Variants in CDH9 observed in about 807,000 individuals in gnomAD.
The protein encoded by CDH9 is cadherin-9.
A neutral mutation model predicts 70.9 loss-of-function variants in CDH9; 28 were observed. The observed-to-expected ratio is 0.40, with a 90% CI of 0.29 to 0.54. The LOEUF is 0.54. Ranked by LOEUF, CDH9 falls within the 20% of genes least tolerant of loss-of-function variation. The probability of loss-of-function intolerance (pLI) is 0.59; values close to 1 mark genes in which losing one functional copy is unlikely to be tolerated. For synonymous variants in CDH9, 409 were observed against 343.1 expected, an observed-to-expected ratio of 1.19 and a Z score of -2.12; for missense variants, 874 against 984.4, an observed-to-expected ratio of 0.89 and a Z score of 1.50.
intron 2 of CDH9, among the ~76,000 whole-genome samples, chr5:26,959,880 C>A (rs1170654316): frequency 3.4e-5 from 5 of 145,050 alleles, no homozygotes; most frequent in Non-Finnish European, 7.6e-5. Context: ...GGTACTAGGG[C>A]ATGATTATTT....
intron 1 of CDH9, among the ~76,000 whole-genome samples, chr5:27,030,717 A>G (rs1045649259): frequency 6.6e-6 from 1 of 151,862 alleles, no homozygotes; most frequent in Non-Finnish European, 1.5e-5. Flanking sequence ...TAGCCATCAA[A>G]TGATTTAGAA....
At chr5:26,993,431 C>A (rs1172288156) in intron 1 of CDH9, among the ~76,000 whole-genome samples, 1 of 151,802 alleles carries the variant, frequency 6.6e-6, no homozygotes, top group African/African-American at 2.4e-5. Context: ...AATTGTTTAG[C>A]AAGAATAAAA....
chr5:26,897,609 AC>A (rs1740776308), intron 7 of CDH9, among the ~76,000 whole-genome samples: 1 of 152,196 alleles, frequency 6.6e-6, no homozygotes, highest in Non-Finnish European at 1.5e-5. Flanking sequence ...CCTTCAATAA[AC>A]TTCAACACCC....
intron 2 of CDH9, among the ~76,000 whole-genome samples, chr5:26,954,493 G>T (rs1259200819): frequency 2.8e-5 from 4 of 141,712 alleles, no homozygotes; most frequent in South Asian, 2.4e-4. Flanking sequence ...CACGCCATTC[G>T]CCTGCCTCAG....
intron 1 of CDH9, among the ~76,000 whole-genome samples, chr5:27,036,464 T>G (rs374625490): frequency 6.4e-4 from 97 of 152,070 alleles, no homozygotes; most frequent in Admixed American, 2.0e-3. Flanking sequence ...ATTTCCTTCA[T>G]GCAATGAATG....
chr5:26,905,979 T>C lies in CDH9; in HGVS notation c.791A>G (p.Asn264Ser), dbSNP rs746507734. The C allele has an allele frequency of 1.8e-5, 29 of 1,613,506 alleles. No individual in the cohort carries two copies. The highest frequency in any genetic ancestry group is 7.7e-5 in the South Asian group (7 of 91,046). Residue 264 changes from asparagine to serine, a missense_variant, in exon 5 of 12, where the codon AAC becomes AGC. Coordinates refer to ENST00000231021, the MANE Select transcript of CDH9 (RefSeq NM_016279.4). ...CTTACTCTGGGGAAATCGAGGAGGG[T>C]TGTTGTTGACATCTGTCAGCGTGAT... ...VNITLTDVNN[N>S]PPRFPQSTYQ...
At chr5:26,960,373 A>G (rs556027278) in intron 2 of CDH9, among the ~76,000 whole-genome samples, 3 of 152,044 alleles carry the variant, frequency 2.0e-5, no homozygotes, top group Non-Finnish European at 4.4e-5. Context: ...CGAAAGGTTT[A>G]GACAACATAA....
intron 1 of CDH9, among the ~76,000 whole-genome samples, chr5:27,003,900 T>G (rs1742813930): frequency 6.6e-6 from 1 of 151,948 alleles, no homozygotes; most frequent in Admixed American, 6.6e-5. Flanking sequence ...AATTGTAAAA[T>G]ATGTACTATA....
intron 1 of CDH9, among the ~76,000 whole-genome samples, chr5:26,998,495 C>T (rs935731938): frequency 5.3e-5 from 8 of 151,982 alleles, no homozygotes; most frequent in African/African-American, 1.9e-4. Flanking sequence ...AAAACAAACA[C>T]CACATGTTCT....
intron 1 of CDH9, among the ~76,000 whole-genome samples, chr5:27,021,646 CAA>C (rs1422816627): frequency 3.3e-5 from 5 of 151,882 alleles, no homozygotes; most frequent in South Asian, 2.1e-4. Context: ...ATATCATTGG[CAA>C]AGAGATCCTG....
At chr5:26,909,589 G>C (rs1056094732) in intron 3 of CDH9, among the ~76,000 whole-genome samples, 6 of 147,520 alleles carry the variant, frequency 4.1e-5, no homozygotes, top group African/African-American at 1.2e-4. Context: ...ACATTGTGCA[G>C]GTTAGTTACA....
intron 2 of CDH9, among the ~76,000 whole-genome samples, chr5:26,954,651 A>T (rs1169734617): frequency 1.3e-5 from 2 of 151,944 alleles, no homozygotes. Context: ...CCTAAAGTGC[A>T]GGGATTACAG....
intron 2 of CDH9, among the ~76,000 whole-genome samples, chr5:26,955,604 CTGTG>C (rs1305395324): frequency 2.0e-3 from 229 of 112,626 alleles, no homozygotes; most frequent in African/African-American, 5.9e-3. Context: ...CTCTCTCTCT[CTGTG>C]TGTGTTTCTC....
chr5:26,987,741 T>C (rs1742511977), intron 2 of CDH9, among the ~76,000 whole-genome samples: 1 of 152,080 alleles, frequency 6.6e-6, no homozygotes, highest in African/African-American at 2.4e-5. Context: ...AATAGAAATA[T>C]CTAGAAGTAT....
intron 2 of CDH9, among the ~76,000 whole-genome samples, chr5:26,918,792 G>A (rs1741192780): frequency 1.3e-5 from 2 of 152,128 alleles, no homozygotes; most frequent in Non-Finnish European, 1.5e-5. Context: ...ATATTCTCTA[G>A]CATCTCAGTA....
chr5:26,926,887 AC>A (rs1014895113), intron 2 of CDH9, among the ~76,000 whole-genome samples: 2 of 149,542 alleles, frequency 1.3e-5, no homozygotes, highest in Admixed American at 1.3e-4. Context: ...AGCCAGTATT[AC>A]CCTGATACCA....
At chr5:26,982,984 C>T (rs1742426316) in intron 2 of CDH9, among the ~76,000 whole-genome samples, 1 of 152,000 alleles carries the variant, frequency 6.6e-6, no homozygotes, top group Non-Finnish European at 1.5e-5. Flanking sequence ...CGCGCCTGGT[C>T]TATGAATAAG....
intron 7 of CDH9, among the ~76,000 whole-genome samples, chr5:26,899,809 G>GTA (rs1740820435): frequency 6.6e-6 from 1 of 151,322 alleles, no homozygotes; most frequent in South Asian, 2.1e-4. Context: ...CGTAGCACGT[G>GTA]TATATCTATG....
chr5:26,938,684 A>C (rs1741604872), intron 2 of CDH9, among the ~76,000 whole-genome samples: 1 of 152,138 alleles, frequency 6.6e-6, no homozygotes, highest in Non-Finnish European at 1.5e-5. Flanking sequence ...TATTCATTTA[A>C]GTTTTATTTA....
Sources: allele counts gnomAD v4.1 joint callset (sites outside exome capture counted in the v4.1 genomes callset), GRCh38; gene constraint gnomAD v4.1.1; transcripts MANE v1.5; gene names NCBI Gene and HGNC (gene_info 2026-07-23, HGNC 2026-07-21).